The following KIF26B variants were observed in gnomAD, a reference collection of about 807,000 sequenced individuals.
The protein encoded by KIF26B is kinesin-like protein KIF26B.
A neutral mutation model predicts 151.2 loss-of-function variants in KIF26B; 63 were observed. The observed-to-expected ratio is 0.42, with a 90% confidence interval of 0.34 to 0.51. The LOEUF is 0.51. Ranked by LOEUF, KIF26B falls within the 20% of genes least tolerant of loss-of-function variation. KIF26B has a pLI of 0.07. For missense variants in KIF26B, 2,813 were observed against 2,913.6 expected, an observed-to-expected ratio of 0.97 and a Z score of 0.79; for synonymous variants, 1,357 against 1,262.1, an observed-to-expected ratio of 1.08 and a Z score of -1.59.
Position 245,416,112 on chromosome 1 carries a change from C to CAAAAAAA in KIF26B, c.1000-3456_1000-3450dup, listed in dbSNP as rs375247191. On this transcript the variant is annotated intron_variant, in intron 3 of 14. Coordinates refer to ENST00000407071, the MANE Select transcript of KIF26B (RefSeq NM_018012.4). ...AGAAACCCCGTCTCTAGTAAAAATA[C>CAAAAAAA]AAAAAAAAAAAAAAAAAGTTAGCCA... Among the ~76,000 whole-genome samples the CAAAAAAA allele has an allele frequency of 7.3e-3, 908 of 124,802 alleles. 15 individuals are homozygous for CAAAAAAA. The highest frequency in any genetic ancestry group is 0.025 in the African/African-American group (835 of 32,916). The allele number at this position is 124,802 out of a possible 152,430, so 81.9% of individuals were successfully genotyped here.
rs146292413 is a variant in KIF26B at position 245,579,955 on chromosome 1, G to C, written c.1351-22622G>C. 1.1e-4 allele frequency among the ~76,000 whole-genome samples: 16 copies of C among 152,282 alleles called. No individual in the cohort carries two copies. The East Asian group carries it at 3.1e-3, about 29-fold the overall frequency. On this transcript the variant is annotated intron_variant, in intron 5 of 14. Coordinates refer to ENST00000407071, the MANE Select transcript of KIF26B (RefSeq NM_018012.4). The stretch of plus-strand genomic sequence containing the variant: ...TGGCGGGCTGGCCCTCTCAGTCAAG[G>C]AGACGTGAGCATTCCATGAGACACG...
intron 4 of KIF26B, among the ~76,000 whole-genome samples, chr1:245,471,463 T>G (rs926589199): frequency 1.3e-5 from 2 of 152,222 alleles, no homozygotes; most frequent in East Asian, 1.9e-4. Context: ...TCTAGATGAC[T>G]AAAAGACACC....
intron 2 of KIF26B, among the ~76,000 whole-genome samples, chr1:245,254,729 A>G (rs1670503576): frequency 6.6e-6 from 1 of 152,152 alleles, no homozygotes; most frequent in Non-Finnish European, 1.5e-5. Context: ...GATGCCCCAC[A>G]TGAGGCCCGT....
chr1:245,444,835 A>T (rs1260247405), intron 4 of KIF26B, among the ~76,000 whole-genome samples: 1 of 152,224 alleles, frequency 6.6e-6, no homozygotes, highest in African/African-American at 2.4e-5. Flanking sequence ...CCATGCTGTG[A>T]CATGAAGTGC....
In KIF26B at chr1:245,686,514, G is replaced by T; in HGVS notation, c.3531G>T (p.Gln1177His). ...TGAGCACCACGATGGTGACGGTGCAGCAGCCACTGGAGCTGAACGGTGAGG... is the reference window on the plus strand; with the variant it reads ...TGAGCACCACGATGGTGACGGTGCATCAGCCACTGGAGCTGAACGGTGAGG... ...EILSTTMVTV[Q>H]QPLELNGEDE... The change falls in exon 12 of 15, where the codon CAG becomes CAT. Residue 1177 changes from glutamine to histidine, a missense_variant. Around this residue, in one of 3 missense-constraint regions of KIF26B, gnomAD observed 2,060 missense variants for 2,088.6 expected, o/e 0.99. Transcript: ENST00000407071. The surrounding 1 kb of genome is among the most constrained non-coding windows in gnomAD (Gnocchi z 5.6). 1 of 1,611,674 alleles carries T rather than the reference G, an allele frequency of 6.2e-7. No homozygotes were observed. Among genetic ancestry groups the T allele is most frequent in the Non-Finnish European group, 8.5e-7 (1 of 1,179,614 alleles).
intron 2 of KIF26B, among the ~76,000 whole-genome samples, chr1:245,243,471 CAT>C (rs1553338072): frequency 6.7e-5 from 10 of 150,156 alleles, no homozygotes; most frequent in African/African-American, 2.5e-4. Flanking sequence ...CACACACACA[CAT>C]ATATATATAC....
intron 5 of KIF26B, among the ~76,000 whole-genome samples, chr1:245,594,832 C>G (rs1558229462): frequency 6.6e-6 from 1 of 152,150 alleles, no homozygotes; most frequent in South Asian, 2.1e-4. Context: ...TTTGTGTCCT[C>G]TCTTATTTTC....
Position 245,488,083 on chromosome 1 carries a change from C to T in KIF26B, c.1167-52684C>T, listed in dbSNP as rs564347153. Among the ~76,000 whole-genome samples, 10 of 152,164 alleles carry T rather than the reference C, an allele frequency of 6.6e-5. No homozygotes were observed. Among genetic ancestry groups the T allele is most frequent in the Non-Finnish European group, 1.2e-4 (8 of 68,002 alleles). ...GATTACAGGCATGAGCTGCCACGCC[C>T]GGCCATGTATCTTTTTAAGTACAGG... On this transcript the variant is annotated intron_variant, in intron 4 of 14. Transcript: ENST00000407071. This position sits in a 1 kb window ranked among gnomAD's most constrained non-coding sequence, Gnocchi z 4.6.
chr1:245,155,515 C>G, intron 1 of KIF26B, 28 bp downstream of exon 1: 1 of 1,585,746 alleles, frequency 6.3e-7, no homozygotes, highest in Non-Finnish European at 8.6e-7. Flanking sequence ...GACGCGGAGA[C>G]GCGTTACCAG....
chr1:245,332,567 C>T (rs890975896), intron 2 of KIF26B, among the ~76,000 whole-genome samples: 1 of 152,206 alleles, frequency 6.6e-6, no homozygotes, highest in African/African-American at 2.4e-5. Flanking sequence ...TCAGCCTCCA[C>T]CTTTGTCTTG....
intron 2 of KIF26B, among the ~76,000 whole-genome samples, chr1:245,303,488 G>T (rs534427826): frequency 6.6e-6 from 1 of 150,838 alleles, no homozygotes; most frequent in African/African-American, 2.5e-5. Context: ...GTAAGCCACC[G>T]CGCCCGGCCC....
intron 4 of KIF26B, among the ~76,000 whole-genome samples, chr1:245,513,099 T>TTTGTGTTAG (rs1660870588): frequency 2.0e-5 from 3 of 152,048 alleles, no homozygotes; most frequent in Non-Finnish European, 4.4e-5. Flanking sequence ...AAACCATCTT[T>TTTGTGTTAG]CGAGTTTCTG....
intron 5 of KIF26B, among the ~76,000 whole-genome samples, chr1:245,569,917 TAA>T (rs2043049379): frequency 6.9e-6 from 1 of 145,022 alleles, no homozygotes; most frequent in African/African-American, 2.5e-5. Flanking sequence ...ACCTACGTTG[TAA>T]ATAGAGAATT....
intron 4 of KIF26B, among the ~76,000 whole-genome samples, chr1:245,504,178 G>C (rs888053663): frequency 2.6e-5 from 4 of 152,058 alleles, no homozygotes; most frequent in Non-Finnish European, 5.9e-5. Context: ...TTCTCTCTGG[G>C]GAGCTTTACA....
intron 10 of KIF26B, among the ~76,000 whole-genome samples, chr1:245,674,068 G>A (rs2044328654): frequency 6.6e-6 from 1 of 152,174 alleles, no homozygotes; most frequent in African/African-American, 2.4e-5. Flanking sequence ...TAAACCTGAG[G>A]ATGATTTAAA....
intron 2 of KIF26B, among the ~76,000 whole-genome samples, chr1:245,158,371 C>T (rs1172346836): frequency 6.6e-6 from 1 of 152,204 alleles, no homozygotes; most frequent in Admixed American, 6.5e-5. Flanking sequence ...AGTCCTGTGA[C>T]CAGCTGGAAT....
rs373417270 is a variant in KIF26B at position 245,175,286 on chromosome 1, A to T, written c.465+18603A>T. 2.9e-4 allele frequency among the ~76,000 whole-genome samples: 44 copies of T among 152,208 alleles called. 1 individual carries two copies. The East Asian group carries it at 7.7e-3, about 27-fold the overall frequency. On this transcript the variant is annotated intron_variant, in intron 2 of 14. Transcript: ENST00000407071. ...TCTAGTGCATTTCAGTAGAGAAAGG[A>T]AGGAGGATAGGGTGACATACACACT...
chr1:245,198,679 G>A (rs987054003), intron 2 of KIF26B, among the ~76,000 whole-genome samples: 5 of 150,972 alleles, frequency 3.3e-5, no homozygotes, highest in African/African-American at 1.2e-4. Context: ...CGAGATCGAG[G>A]TCGCACCATT....
intron 4 of KIF26B, among the ~76,000 whole-genome samples, chr1:245,457,375 T>C (rs550600645): frequency 6.6e-6 from 1 of 152,280 alleles, no homozygotes; most frequent in South Asian, 2.1e-4. Context: ...TAGCGGAACA[T>C]CACAGAGGAC....
Sources: allele counts gnomAD v4.1 joint callset (sites outside exome capture counted in the v4.1 genomes callset), GRCh38; gene constraint gnomAD v4.1.1; regional missense constraint gnomAD v4.1.1; non-coding constraint Gnocchi (gnomAD v3.1); transcripts MANE v1.5; gene names NCBI Gene and HGNC (gene_info 2026-07-23, HGNC 2026-07-21).